Variants in MVB12B observed in about 807,000 individuals in gnomAD.
The protein encoded by MVB12B is ESCRT-I complex subunit MVB12B.
Under a neutral mutation model 41.6 loss-of-function variants are expected in MVB12B, and 16 were observed. The observed-to-expected ratio is 0.38, with a 90% CI of 0.26 to 0.58. The LOEUF (loss-of-function observed/expected upper bound fraction) is 0.58, where lower values mean the gene tolerates loss of function less well. Ranked by LOEUF, MVB12B falls within the 20% of genes least tolerant of loss-of-function variation. MVB12B has a pLI of 0.62. For missense variants in MVB12B, 274 were observed against 380.2 expected (o/e 0.72, Z 2.32); for synonymous variants, 133 against 139.7 (o/e 0.95, Z 0.34).
intron 4 of MVB12B, among the ~76,000 whole-genome samples, chr9:126,387,600 A>G (rs1362019250): frequency 6.6e-6 from 1 of 152,182 alleles, no homozygotes; most frequent in African/African-American, 2.4e-5. Context: ...CCCGTTGTAT[A>G]GCATATTTTT....
intron 7 of MVB12B, chr9:126,448,317 G>T (rs1300180549): frequency 6.6e-6 from 1 of 152,364 alleles, no homozygotes; most frequent in African/African-American, 2.4e-5. Context: ...AATGCCCCTT[G>T]AGAGACCACA....
At chr9:126,399,667 G>A (rs1043281979) in intron 6 of MVB12B, among the ~76,000 whole-genome samples, 2 of 152,192 alleles carry the variant, frequency 1.3e-5, no homozygotes, top group African/African-American at 4.8e-5. Flanking sequence ...GCTCACAACC[G>A]CTGGAGCACC....
intron 7 of MVB12B, among the ~76,000 whole-genome samples, chr9:126,471,343 C>T (rs1334818217): frequency 2.0e-5 from 3 of 152,240 alleles, no homozygotes; most frequent in Non-Finnish European, 4.4e-5. Flanking sequence ...CTGGGCCCAG[C>T]TCGGCGTTCA....
intron 7 of MVB12B, among the ~76,000 whole-genome samples, chr9:126,444,654 G>A (rs1832721390): frequency 6.6e-6 from 1 of 151,896 alleles, no homozygotes; most frequent in African/African-American, 2.4e-5. Flanking sequence ...TTTATGTTTT[G>A]TGTCTTTGCC....
At chr9:126,454,325 A>G (rs536643428) in intron 7 of MVB12B, among the ~76,000 whole-genome samples, 5 of 152,294 alleles carry the variant, frequency 3.3e-5, no homozygotes, top group African/African-American at 7.2e-5. Context: ...CCAGCTCACA[A>G]CCACCAATAG....
chr9:126,427,737 T>C (rs1832221770), intron 7 of MVB12B, among the ~76,000 whole-genome samples: 1 of 152,116 alleles, frequency 6.6e-6, no homozygotes, highest in Non-Finnish European at 1.5e-5. Flanking sequence ...GTGCAGAAAC[T>C]CTGCAAAGCC....
Position 126,486,946 on chromosome 9 carries a change from G to C in MVB12B, c.873+2914G>C, listed in dbSNP as rs1048562334. ...GTGAAGTGGGTGACGGTCCCAGTGT[G>C]GGGTCCAGGGCGGGTGGTGGGAACC... On this transcript the variant is annotated intron_variant, in intron 9 of 9. Transcript: ENST00000361171. This position sits in a 1 kb window ranked among gnomAD's most constrained non-coding sequence, Gnocchi z 4.7. Among the ~76,000 whole-genome samples the C allele has an allele frequency of 2.0e-5, 3 of 152,266 alleles. No homozygotes were observed. In the East Asian group the frequency reaches 5.8e-4, roughly 29 times the overall value.
At chr9:126,437,470 A>G (rs779951179) in intron 7 of MVB12B, among the ~76,000 whole-genome samples, 4 of 152,246 alleles carry the variant, frequency 2.6e-5, no homozygotes, top group Non-Finnish European at 5.9e-5. Flanking sequence ...CTTTCCAATT[A>G]AAGCACGGCT....
chr9:126,410,141 T>TGTG (rs1831590559), intron 6 of MVB12B, among the ~76,000 whole-genome samples: 3 of 148,472 alleles, frequency 2.0e-5, no homozygotes, highest in Non-Finnish European at 4.5e-5. Flanking sequence ...TGATTTGGTT[T>TGTG]TGTGTGTGTG....
At chr9:126,490,242 T>C (rs1833704609) in intron 9 of MVB12B, among the ~76,000 whole-genome samples, 1 of 152,162 alleles carries the variant, frequency 6.6e-6, no homozygotes, top group African/African-American at 2.4e-5. Context: ...GCTTCTAAAA[T>C]AATCCTCATG....
chr9:126,375,184 C>T (rs541738563), intron 2 of MVB12B, among the ~76,000 whole-genome samples: 25 of 152,270 alleles, frequency 1.6e-4, no homozygotes, highest in African/African-American at 6.0e-4. Context: ...GATTACAATG[C>T]AGACATTGAA....
intron 2 of MVB12B, among the ~76,000 whole-genome samples, chr9:126,355,211 T>G (rs377062385): frequency 1.7e-4 from 26 of 152,106 alleles, no homozygotes; most frequent in East Asian, 5.8e-4. Flanking sequence ...GAAAAAGAAA[T>G]AAACTTTATT....
At chr9:126,455,412 G>A (rs920593247) in intron 7 of MVB12B, among the ~76,000 whole-genome samples, 3 of 151,878 alleles carry the variant, frequency 2.0e-5, no homozygotes, top group East Asian at 2.0e-4. Flanking sequence ...GGTCTCGATC[G>A]ATTTACCTCG....
At chr9:126,451,135 G>A (rs1306211969) in intron 7 of MVB12B, among the ~76,000 whole-genome samples, 2 of 152,180 alleles carry the variant, frequency 1.3e-5, no homozygotes, top group Non-Finnish European at 2.9e-5. Flanking sequence ...GGCTTGGCAG[G>A]CTGAGTATTC....
intron 4 of MVB12B, among the ~76,000 whole-genome samples, chr9:126,388,572 C>T (rs1830863862): frequency 6.6e-6 from 1 of 152,156 alleles, no homozygotes; most frequent in African/African-American, 2.4e-5. Context: ...ATTGCTGGGT[C>T]ATATGGTAAC....
intron 7 of MVB12B, among the ~76,000 whole-genome samples, chr9:126,456,001 C>T (rs1832975964): frequency 2.7e-5 from 4 of 149,508 alleles, no homozygotes; most frequent in African/African-American, 5.0e-5. Flanking sequence ...AGCAGTTTTC[C>T]TGCCACAGCC....
At position 126,340,523 on chromosome 9, in the gene MVB12B, C is replaced by A; in HGVS notation, c.97C>A (p.Pro33Thr). Residue 33 changes from proline (P) to threonine (T), a missense_variant, in exon 2 of 10, where the codon CCT becomes ACT. Physicochemically the swap from Pro to Thr is conservative, Grantham distance 38 (BLOSUM62 -1). Coordinates refer to ENST00000361171, the MANE Select transcript of MVB12B (RefSeq NM_033446.3). The surrounding 1 kb of genome is among the most constrained non-coding windows in gnomAD (Gnocchi z 4.0). ...GCTGAACCAGGACCAGTCCACCATG[C>A]CTGAAGTCAAAGACCTCTCAGAAGC... is the stretch of plus-strand genomic sequence containing the variant. ...PQRGTDQSTM[P>T]EVKDLSEALP... The A allele has an allele frequency of 6.2e-7, 1 of 1,614,104 alleles. No individual in the cohort carries two copies. The highest frequency in any genetic ancestry group is 8.5e-7 in the Non-Finnish European group (1 of 1,179,960).
chr9:126,327,381 C>G (rs1829011623), intron 1 of MVB12B: 2 of 959,276 alleles, frequency 2.1e-6, no homozygotes, highest in Non-Finnish European at 1.2e-6. Context: ...AATCGTTTGA[C>G]CGGCCTGGCC....
chr9:126,476,834 G>A (rs1010346386), intron 7 of MVB12B, among the ~76,000 whole-genome samples: 2 of 129,934 alleles, frequency 1.5e-5, no homozygotes, highest in East Asian at 2.2e-4. Flanking sequence ...CCAAGATTGC[G>A]CCACTGCACT....
Sources: allele counts gnomAD v4.1 joint callset (sites outside exome capture counted in the v4.1 genomes callset), GRCh38; gene constraint gnomAD v4.1.1; non-coding constraint Gnocchi (gnomAD v3.1); transcripts MANE v1.5; gene names NCBI Gene and HGNC (gene_info 2026-07-23, HGNC 2026-07-21).